Variants in ASRGL1 observed in about 807,000 individuals in gnomAD.
ASRGL1 encodes the protein asparaginase and isoaspartyl peptidase 1, also known as isoaspartyl peptidase/L-asparaginase.
Under a neutral mutation model 22.4 loss-of-function variants are expected in ASRGL1, and 16 were observed. The ratio of observed to expected loss-of-function variants is 0.71; its 90% CI spans 0.48 to 1.08. The LOEUF is 1.08. Ranked by LOEUF, ASRGL1 falls within the 50% of genes least tolerant of loss-of-function variation. The pLI is 0.00. For synonymous variants in ASRGL1, 165 were observed against 159.3 expected (o/e 1.04, Z -0.27); for missense variants, 412 against 410.1 (o/e 1.00, Z -0.04).
chr11:62,383,981 C>T (rs561116413), intron 4 of ASRGL1, among the ~76,000 whole-genome samples: 2 of 149,850 alleles, frequency 1.3e-5, no homozygotes, highest in South Asian at 4.2e-4. Flanking sequence ...GGAATAAATA[C>T]ATAACTTATT....
chr11:62,366,906 C>T lies in ASRGL1; in HGVS notation c.491+9762C>T, dbSNP rs569623556. Among the ~76,000 whole-genome samples the T allele has an allele frequency of 1.8e-3, 270 of 152,190 alleles. 3 individuals are homozygous for T. Among genetic ancestry groups the T allele is most frequent in the Non-Finnish European group, 2.0e-3 (139 of 68,010 alleles). ...TTTGCTTTTGCTATGGTATTTTTGC[C>T]GTATAAAAGATTTTAGGGCCAGGCA... On this transcript the variant is annotated intron_variant, in intron 4 of 6. Coordinates refer to ENST00000415229, the MANE Select transcript of ASRGL1 (RefSeq NM_001083926.2).
downstream of ASRGL1, among the ~76,000 whole-genome samples, chr11:62,394,216 AATATTAT>A (rs1468260243): frequency 7.6e-6 from 1 of 131,352 alleles, no homozygotes; most frequent in Non-Finnish European, 1.5e-5. Flanking sequence ...TATGATATAT[AATATTAT>A]ATATTTTATG....
chr11:62,346,415 C>T (rs1375437314), intron 2 of ASRGL1, among the ~76,000 whole-genome samples: 1 of 152,138 alleles, frequency 6.6e-6, no homozygotes, highest in Non-Finnish European at 1.5e-5. Flanking sequence ...CAAAAGCTCT[C>T]CCATCATCAG....
chr11:62,379,783 G>C (rs919712129), intron 4 of ASRGL1, among the ~76,000 whole-genome samples: 1 of 152,154 alleles, frequency 6.6e-6, no homozygotes, highest in African/African-American at 2.4e-5. Context: ...TGTGACAGTG[G>C]GGGTTGTTGT....
intron 4 of ASRGL1, chr11:62,372,232 C>G (rs1418410587): frequency 4.4e-6 from 6 of 1,348,524 alleles, no homozygotes; most frequent in African/African-American, 2.9e-5. Flanking sequence ...TTGTGTGCAG[C>G]GTGTGCGCGG....
chr11:62,339,999 C>T (rs573747700), intron 2 of ASRGL1, among the ~76,000 whole-genome samples: 4 of 152,014 alleles, frequency 2.6e-5, no homozygotes, highest in African/African-American at 4.8e-5. Context: ...CAGTGGCTCA[C>T]GCCTGTAATC....
At chr11:62,365,510 C>T (rs749988908) in intron 4 of ASRGL1, among the ~76,000 whole-genome samples, 2 of 151,878 alleles carry the variant, frequency 1.3e-5, no homozygotes, top group South Asian at 2.1e-4. Context: ...GCCAAGATCA[C>T]GCCACTGCAC....
Position 62,381,063 on chromosome 11 carries a change from G to GTATTGAT in ASRGL1, c.492-8069_492-8063dup, listed in dbSNP as rs1947055004. On this transcript the variant is annotated intron_variant, in intron 4 of 6. Coordinates refer to ENST00000415229, the MANE Select transcript of ASRGL1 (RefSeq NM_001083926.2). ...GATACTGAAGTTCGGCTGGCGGCCAGTATTGATAGGCTACTGGCGGTTGGG... is the reference window on the plus strand; with the variant it reads ...GATACTGAAGTTCGGCTGGCGGCCAGTATTGATTATTGATAGGCTACTGGCGGTTGGG... 4.6e-5 allele frequency among the ~76,000 whole-genome samples: 7 copies of GTATTGAT among 152,318 alleles called. No homozygotes were observed. In the South Asian group the frequency reaches 1.5e-3, roughly 32 times the overall value.
rs1205432809 is a variant in ASRGL1, at chr11:62,338,051, A to G, written c.74A>G (p.Gln25Arg). 6.2e-7 allele frequency: 1 copy of G among 1,608,434 alleles called. No individual in the cohort carries two copies. Among genetic ancestry groups the G allele is most frequent in the Non-Finnish European group, 8.5e-7 (1 of 1,177,902 alleles). The change falls in exon 2 of 7, where the codon CAG (glutamine) becomes CGG (arginine). Residue 25 changes from glutamine to arginine, a missense_variant. Physicochemically the swap from Gln to Arg is conservative, Grantham distance 43. Transcript: ENST00000415229. Reference protein sequence around the residue: ...ISKDRKERVHQGMVRAATVGY... With the variant: ...ISKDRKERVHRGMVRAATVGY... ...AAGGATCGGAAGGAGCGAGTGCACC[A>G]GGGCATGGTCAGAGCCGCCACCGTG... is the stretch of plus-strand genomic sequence containing the variant.
At chr11:62,342,532 G>T (rs892975541) in intron 2 of ASRGL1, among the ~76,000 whole-genome samples, 57 of 152,288 alleles carry the variant, frequency 3.7e-4, no homozygotes, top group Non-Finnish European at 6.8e-4. Context: ...CGAGGCGGGT[G>T]GATCATTTGA....
intron 4 of ASRGL1, among the ~76,000 whole-genome samples, chr11:62,388,060 GGTCCGGCC>G (rs1947255059): frequency 6.6e-6 from 1 of 152,164 alleles, no homozygotes; most frequent in Non-Finnish European, 1.5e-5. Flanking sequence ...TAGGCTATGT[GGTCCGGCC>G]TGTTGCTGCT....
At chr11:62,370,115 C>T (rs548140801) in intron 4 of ASRGL1, among the ~76,000 whole-genome samples, 2 of 152,142 alleles carry the variant, frequency 1.3e-5, no homozygotes, top group East Asian at 3.9e-4. Flanking sequence ...AATTTTTTGG[C>T]TCTATTTAAG....
chr11:62,348,158 G>T (rs937957716), intron 2 of ASRGL1, among the ~76,000 whole-genome samples: 1 of 152,156 alleles, frequency 6.6e-6, no homozygotes, highest in Non-Finnish European at 1.5e-5. Context: ...TCACGTAGAG[G>T]ACTTGAGCAT....
In ASRGL1 at chr11:62,356,440, T is replaced by G. The variant is rs756806363; in HGVS notation, c.306T>G (p.Ile102Met). 4.3e-6 allele frequency: 7 copies of G among 1,614,072 alleles called. No homozygotes were observed. The Admixed American group carries it at 1.0e-4, about 23-fold the overall frequency. Residue 102 changes from isoleucine (I) to methionine (M), a missense_variant, in exon 3 of 7, where the codon ATT becomes ATG. By Grantham distance (10) the Ile-to-Met change is conservative. Coordinates refer to ENST00000415229, the MANE Select transcript of ASRGL1 (RefSeq NM_001083926.2). Reference protein sequence around the residue: ...VSAVQCIANPIKLARLVMEKT... With the variant: ...VSAVQCIANPMKLARLVMEKT... ...CAGTCCAGTGTATAGCAAATCCCAT[T>G]AAACTTGCTCGGCTTGTCATGGAAA...
At chr11:62,400,109 C>T in the ASRGL1 span, among the ~76,000 whole-genome samples, 34 of 152,168 alleles carry the variant, frequency 2.2e-4, no homozygotes, top group Non-Finnish European at 4.0e-4. Flanking sequence ...ACCCCTTGGC[C>T]GACTTTCAAG....
At chr11:62,396,945 G>T (rs34037877), downstream of ASRGL1, among the ~76,000 whole-genome samples, 3,712 of 152,280 alleles carry the variant, frequency 0.024, 54 homozygotes, top group Non-Finnish European at 0.038. Context: ...TAATACTGAG[G>T]CTCCTCTCAG....
chr11:62,366,782 A>C (rs1458281577), intron 4 of ASRGL1, among the ~76,000 whole-genome samples: 1 of 152,332 alleles, frequency 6.6e-6, no homozygotes, highest in African/African-American at 2.4e-5. Flanking sequence ...AGTAGCAGGA[A>C]CTACAGGTAC....
downstream of ASRGL1, among the ~76,000 whole-genome samples, chr11:62,394,970 A>G (rs2134712824): frequency 6.6e-6 from 1 of 152,290 alleles, no homozygotes; most frequent in East Asian, 1.9e-4. Context: ...AGGGGAAGAC[A>G]ATCTTTTTAT....
chr11:62,395,769 T>A (rs551067609), downstream of ASRGL1, among the ~76,000 whole-genome samples: 468 of 90,304 alleles, frequency 5.2e-3, 5 homozygotes, highest in African/African-American at 0.023. Flanking sequence ...CTTTTTTTTT[T>A]TTTTTTTTTT....
Sources: allele counts gnomAD v4.1 joint callset (sites outside exome capture counted in the v4.1 genomes callset), GRCh38; gene constraint gnomAD v4.1.1; transcripts MANE v1.5; gene names NCBI Gene and HGNC (gene_info 2026-07-23, HGNC 2026-07-21).